Variants in FAM185A observed in about 807,000 individuals in gnomAD.
FAM185A encodes the protein protein FAM185A.
Under a neutral mutation model 45.7 loss-of-function variants are expected in FAM185A, and 21 were observed. The observed-to-expected ratio is 0.46, with a 90% confidence interval of 0.33 to 0.66. FAM185A has a LOEUF of 0.66. Among genes scored for constraint, FAM185A ranks in the 30% least tolerant of loss-of-function variants. The probability of loss-of-function intolerance (pLI) is 0.03; values close to 1 mark genes in which losing one functional copy is unlikely to be tolerated. For missense variants in FAM185A, 305 were observed against 485.4 expected, an observed-to-expected ratio of 0.63 and a Z score of 3.49; for synonymous variants, 117 against 194.0, an observed-to-expected ratio of 0.60 and a Z score of 3.30.
downstream of FAM185A, chr7:102,813,247 T>C (rs962805922): frequency 2.7e-6 from 3 of 1,129,182 alleles, no homozygotes; most frequent in Non-Finnish European, 2.5e-6. Context: ...CTTGTTTACA[T>C]TGTTATTGAG....
chr7:102,820,462 AT>A, the FAM185A span, among the ~76,000 whole-genome samples: 120 of 152,012 alleles, frequency 7.9e-4, no homozygotes, highest in Non-Finnish European at 1.3e-3. Context: ...GCCTTGTTTT[AT>A]TTTTTTTGCA....
chr7:102,773,388 C>T (rs1794871350), intron 5 of FAM185A, among the ~76,000 whole-genome samples: 1 of 152,046 alleles, frequency 6.6e-6, no homozygotes, highest in Non-Finnish European at 1.5e-5. Flanking sequence ...GCTGTTATTT[C>T]ATAATGTACC....
intron 7 of FAM185A, among the ~76,000 whole-genome samples, chr7:102,799,039 C>T (rs1412020223): frequency 3.3e-5 from 5 of 152,206 alleles, no homozygotes; most frequent in African/African-American, 1.2e-4. Context: ...TGAGCCACCG[C>T]ATCTGGCCCA....
intron 5 of FAM185A, among the ~76,000 whole-genome samples, chr7:102,774,176 G>C (rs532472041): frequency 6.6e-6 from 1 of 151,872 alleles, no homozygotes; most frequent in East Asian, 1.9e-4. Context: ...ACATTTTTTT[G>C]TTAAATTCAT....
intron 3 of FAM185A, among the ~76,000 whole-genome samples, chr7:102,758,427 C>CTT (rs869220298): frequency 1.5e-4 from 7 of 45,894 alleles, no homozygotes; most frequent in African/African-American, 5.0e-4. Context: ...GCTCTCACAG[C>CTT]TTTTTTTTTT....
chr7:102,758,000 G>C (rs1440502125), intron 3 of FAM185A, 54 bp downstream of exon 3: 1 of 1,543,210 alleles, frequency 6.5e-7, no homozygotes, highest in Non-Finnish European at 8.7e-7. Context: ...GCTTCCATTT[G>C]GCTCACCAAG....
At chr7:102,777,152 A>T in intron 5 of FAM185A, 101 bp from the exon 6 acceptor site, 1 of 1,303,622 alleles carries the variant, frequency 7.7e-7, no homozygotes, top group East Asian at 2.6e-5. Flanking sequence ...CAAGATTCTT[A>T]GCCCCTTATC....
intron 2 of FAM185A, chr7:102,756,084 C>A (rs113572099): frequency 0.031 from 8,089 of 257,152 alleles, 170 homozygotes; most frequent in African/African-American, 0.059. Flanking sequence ...AGACTCATGT[C>A]TCTGGGCATA....
intron 6 of FAM185A, among the ~76,000 whole-genome samples, chr7:102,786,189 T>C (rs1178060373): frequency 1.3e-5 from 2 of 152,150 alleles, no homozygotes; most frequent in Non-Finnish European, 2.9e-5. Flanking sequence ...CAACAGGTGC[T>C]GGAGAGGATG....
rs576134031 is a variant in FAM185A at position 102,782,332 on chromosome 7, C to G, written c.931+4984C>G. ...AAGATACTCCTCGAGAAGAGCAACT[C>G]CAAGACACATAATTGTCAGATTCAC... On this transcript the variant is annotated intron_variant, in intron 6 of 7. Coordinates refer to ENST00000413034, the MANE Select transcript of FAM185A (RefSeq NM_001145268.2). 5.9e-5 allele frequency among the ~76,000 whole-genome samples: 9 copies of G among 152,150 alleles called. No individual in the cohort carries two copies. In the South Asian group the frequency reaches 1.9e-3, roughly 32 times the overall value.
downstream of FAM185A, chr7:102,813,650 C>A (rs958880031): frequency 2.1e-5 from 21 of 983,442 alleles, no homozygotes; most frequent in Non-Finnish European, 3.1e-5. Context: ...TCACATGAGA[C>A]CTCTCTTGCC....
chr7:102,845,844 C>A, the FAM185A span, among the ~76,000 whole-genome samples: 2 of 152,188 alleles, frequency 1.3e-5, no homozygotes, highest in African/African-American at 4.8e-5. Context: ...ACTTCCCTGG[C>A]ATTCCCATGC....
Position 102,808,449 on chromosome 7 carries a change from C to A in FAM185A, c.*47C>A. The A allele has an allele frequency of 8.9e-7, 1 of 1,120,254 alleles. No individual in the cohort carries two copies. Among genetic ancestry groups the A allele is most frequent in the South Asian group, 1.3e-5 (1 of 74,676 alleles). 69.4% of individuals were successfully genotyped at this position (1,120,254 alleles called of 1,614,324 possible). On this transcript the variant is annotated 3_prime_UTR_variant, in exon 8 of 8. Transcript: ENST00000413034. ...TGATTTTTAACAATGATTCGCAGAT[C>A]TGTGACTACAAAAATGTAAATCCCA...
At chr7:102,786,841 A>T (rs10272072) in intron 6 of FAM185A, among the ~76,000 whole-genome samples, 1 of 151,172 alleles carries the variant, frequency 6.6e-6, no homozygotes, top group South Asian at 2.1e-4. Context: ...AAAAAAAAAA[A>T]CATGGGCTTT....
At chr7:102,785,127 G>T (rs1462844589) in intron 6 of FAM185A, among the ~76,000 whole-genome samples, 1 of 152,150 alleles carries the variant, frequency 6.6e-6, no homozygotes. Flanking sequence ...TACAAGGGAC[G>T]TGAAGGACCT....
chr7:102,822,410 C>T, the FAM185A span: 9 of 676,252 alleles, frequency 1.3e-5, no homozygotes, highest in South Asian at 1.2e-4. Flanking sequence ...GGAAGTCCCT[C>T]CTTATTTGCA....
chr7:102,848,534 C>T, the FAM185A span, among the ~76,000 whole-genome samples: 1 of 31,364 alleles, frequency 3.2e-5, no homozygotes, highest in African/African-American at 4.3e-4. Context: ...CCAGCCTGGG[C>T]GACAGAGCGA....
At chr7:102,797,845 C>T (rs1796527176) in intron 7 of FAM185A, among the ~76,000 whole-genome samples, 1 of 152,194 alleles carries the variant, frequency 6.6e-6, no homozygotes, top group Non-Finnish European at 1.5e-5. Context: ...CAAATGTACA[C>T]AAACAAAGAA....
the FAM185A span, among the ~76,000 whole-genome samples, chr7:102,833,311 T>C: frequency 1.3e-5 from 2 of 152,142 alleles, no homozygotes; most frequent in African/African-American, 4.8e-5. Context: ...CACTCCAAGA[T>C]TGACAGTGGA....
Sources: gnomAD v4.1 joint callset for allele counts (sites outside exome capture counted in the v4.1 genomes callset) on GRCh38, gnomAD v4.1.1 for gene constraint, MANE v1.5 for transcripts, NCBI Gene and HGNC (gene_info 2026-07-23, HGNC 2026-07-21) for gene names.